GRIP1: variants seen among roughly 807,000 people sequenced by gnomAD.
The protein encoded by GRIP1 is glutamate receptor-interacting protein 1.
A neutral mutation model predicts 129.9 loss-of-function variants in GRIP1; 45 were observed. The observed-to-expected ratio is 0.35, with a 90% CI of 0.27 to 0.44. GRIP1 has a LOEUF of 0.44. Among genes scored for constraint, GRIP1 ranks in the 20% least tolerant of loss-of-function variants. The pLI is 1.00. For synonymous variants in GRIP1, 530 were observed against 520.8 expected, an observed-to-expected ratio of 1.02 and a Z score of -0.24; for missense variants, 1,196 against 1,396.8, an observed-to-expected ratio of 0.86 and a Z score of 2.29.
chr12:66,739,723 A>G (rs896967333), intron 1 of GRIP1, among the ~76,000 whole-genome samples: 1 of 151,428 alleles, frequency 6.6e-6, no homozygotes, highest in African/African-American at 2.4e-5. Context: ...CATCCTGCAC[A>G]TGTATCCCAG....
At chr12:66,524,692 C>T (rs530330344) in intron 5 of GRIP1, among the ~76,000 whole-genome samples, 35 of 151,994 alleles carry the variant, frequency 2.3e-4, no homozygotes, top group South Asian at 8.3e-4. Flanking sequence ...GCAGAACTGA[C>T]GGAAATAGAG....
chr12:66,705,032 T>A (rs902737186), intron 1 of GRIP1, among the ~76,000 whole-genome samples: 5 of 152,088 alleles, frequency 3.3e-5, no homozygotes, highest in Admixed American at 2.6e-4. Context: ...TATTACAATA[T>A]ACCCATCAAT....
chr12:67,047,966 G>T (rs2043280642), intron 1 of GRIP1, among the ~76,000 whole-genome samples: 1 of 152,012 alleles, frequency 6.6e-6, no homozygotes, highest in Non-Finnish European at 1.5e-5. Flanking sequence ...TATTTCATAT[G>T]GTTCTATTTG....
chr12:66,347,706 G>A lies in GRIP1; in HGVS notation c.*1313C>T, dbSNP rs930722209. The stretch of plus-strand genomic sequence containing the variant: ...CTGCTTTATACTTTCTTGCCCTGGC[G>A]GTTCTGAAATGTGATTGAAATAATA... On this transcript the variant is annotated 3_prime_UTR_variant, in exon 25 of 25. Transcript: ENST00000359742. 2.6e-5 allele frequency: 4 copies of A among 151,532 alleles called. No homozygotes were observed. Among genetic ancestry groups the A allele is most frequent in the Non-Finnish European group, 5.9e-5 (4 of 67,954 alleles). The allele number at this position is 151,532 out of a possible 1,614,324, so 9.4% of individuals were successfully genotyped here.
intron 1 of GRIP1, among the ~76,000 whole-genome samples, chr12:66,759,724 A>G (rs10784584): frequency 0.59 from 90,235 of 151,974 alleles, 27,223 homozygotes; most frequent in East Asian, 0.77. Context: ...AAATCTCTAG[A>G]GCAGGGGCAA....
At chr12:66,626,603 T>C (rs549535486) in intron 1 of GRIP1, 1 of 152,374 alleles carries the variant, frequency 6.6e-6, no homozygotes, top group East Asian at 1.9e-4. Context: ...CCCTGATAAA[T>C]GTGCTCTGTC....
intron 1 of GRIP1, among the ~76,000 whole-genome samples, chr12:66,702,565 A>G (rs1240773350): frequency 6.6e-6 from 1 of 152,216 alleles, no homozygotes; most frequent in Non-Finnish European, 1.5e-5. Context: ...GAGAAGGTAC[A>G]TATCCAATTA....
chr12:66,957,609 A>G (rs2041861855), intron 1 of GRIP1, among the ~76,000 whole-genome samples: 1 of 152,052 alleles, frequency 6.6e-6, no homozygotes, highest in African/African-American at 2.4e-5. Flanking sequence ...ATGTCCCTCC[A>G]TTGGGACTTG....
intron 13 of GRIP1, among the ~76,000 whole-genome samples, chr12:66,437,991 A>C (rs1249943727): frequency 6.6e-6 from 1 of 152,140 alleles, no homozygotes; most frequent in Non-Finnish European, 1.5e-5. Flanking sequence ...CCCCATTTAT[A>C]ATGAATAAAG....
intron 1 of GRIP1, among the ~76,000 whole-genome samples, chr12:66,821,137 T>A (rs2039309811): frequency 6.6e-6 from 1 of 152,218 alleles, no homozygotes; most frequent in Non-Finnish European, 1.5e-5. Flanking sequence ...CTGTGCTTTC[T>A]GATCAATTTT....
At chr12:66,518,725 C>A (rs545552060) in intron 5 of GRIP1, among the ~76,000 whole-genome samples, 108 of 152,286 alleles carry the variant, frequency 7.1e-4, no homozygotes, top group Admixed American at 1.6e-3. Context: ...CTGCTCACTC[C>A]ACATTTGGAC....
intron 1 of GRIP1, among the ~76,000 whole-genome samples, chr12:66,900,480 GA>G (rs150662285): frequency 2.0e-4 from 31 of 152,212 alleles, no homozygotes; most frequent in African/African-American, 7.5e-4. Context: ...CTAGCCTCCG[GA>G]ACTGTGAAAA....
At chr12:66,997,292 A>G (rs1208527500) in intron 1 of GRIP1, among the ~76,000 whole-genome samples, 1 of 152,022 alleles carries the variant, frequency 6.6e-6, no homozygotes, top group Non-Finnish European at 1.5e-5. Flanking sequence ...AAATAAGGAC[A>G]GGAAAGCTGG....
intron 1 of GRIP1, among the ~76,000 whole-genome samples, chr12:66,900,965 G>A (rs2040834871): frequency 6.6e-6 from 1 of 152,172 alleles, no homozygotes; most frequent in Non-Finnish European, 1.5e-5. Context: ...AAAGTAGGAA[G>A]GGAATGCACT....
chr12:66,493,531 G>T (rs1461929095), intron 7 of GRIP1, among the ~76,000 whole-genome samples: 2 of 152,126 alleles, frequency 1.3e-5, no homozygotes, highest in Non-Finnish European at 2.9e-5. Flanking sequence ...AGCACTTTAT[G>T]CCACTGGAAC....
chr12:66,572,579 A>G (rs2062999521), intron 2 of GRIP1, among the ~76,000 whole-genome samples: 1 of 152,134 alleles, frequency 6.6e-6, no homozygotes, highest in East Asian at 1.9e-4. Flanking sequence ...GTAGTAATGA[A>G]CTCAGGACAA....
chr12:66,785,313 T>A (rs1450783134), intron 1 of GRIP1, among the ~76,000 whole-genome samples: 1 of 49,122 alleles, frequency 2.0e-5, no homozygotes, highest in Non-Finnish European at 4.6e-5. Context: ...TTAACATACA[T>A]ACATACATAC....
chr12:66,761,517 A>T (rs77091783), intron 1 of GRIP1, among the ~76,000 whole-genome samples: 1,990 of 152,174 alleles, frequency 0.013, 52 homozygotes, highest in African/African-American at 0.046. Context: ...TCCTTCCTCC[A>T]TTAAATGTAA....
At chr12:66,873,942 A>G (rs934351756) in intron 1 of GRIP1, among the ~76,000 whole-genome samples, 9 of 152,034 alleles carry the variant, frequency 5.9e-5, no homozygotes, top group African/African-American at 2.2e-4. Flanking sequence ...TCTTATCATC[A>G]CTGCCAAAAG....
Sources: gnomAD v4.1 joint callset for allele counts (sites outside exome capture counted in the v4.1 genomes callset) on GRCh38, gnomAD v4.1.1 for gene constraint, MANE v1.5 for transcripts, NCBI Gene and HGNC (gene_info 2026-07-23, HGNC 2026-07-21) for gene names.